The following WWOX variants were observed in gnomAD, a reference collection of about 807,000 sequenced individuals.
The protein encoded by WWOX is WW domain-containing oxidoreductase.
A neutral mutation model predicts 46.2 loss-of-function variants in WWOX; 69 were observed. That is an observed-to-expected ratio of 1.49 (90% CI 1.23 to 1.82). The LOEUF (loss-of-function observed/expected upper bound fraction) is 1.82, where lower values mean the gene tolerates loss of function less well. Ranked by LOEUF, WWOX falls within the 40% of genes most tolerant of loss-of-function variation. The pLI is 0.00. For synonymous variants in WWOX, 359 were observed against 202.6 expected (o/e 1.77, Z -6.56); for missense variants, 919 against 542.6 (o/e 1.69, Z -6.89).
rs188145610 is a variant in WWOX, at chr16:78,604,628, T to C, written c.1056+171876T>C. On this transcript the variant is annotated intron_variant, in intron 8 of 8. Coordinates refer to ENST00000566780, the MANE Select transcript of WWOX (RefSeq NM_016373.4). ...CCTTTTTCTTCAATGTTAAATACCA[T>C]TTCCTTTAATAAAGATTTAAAAAAG... 6.3e-3 allele frequency among the ~76,000 whole-genome samples: 957 copies of C among 151,616 alleles called. 8 individuals are homozygous for C. Among genetic ancestry groups the C allele is most frequent in the African/African-American group, 0.021 (874 of 41,282 alleles).
intron 5 of WWOX, among the ~76,000 whole-genome samples, chr16:78,283,634 C>T (rs1426208264): frequency 4.6e-5 from 7 of 152,088 alleles, no homozygotes; most frequent in African/African-American, 1.7e-4. Flanking sequence ...CTGTGGCTCT[C>T]CTCCTTTAGA....
intron 8 of WWOX, among the ~76,000 whole-genome samples, chr16:79,117,623 C>T (rs142548950): frequency 1.3e-3 from 201 of 152,374 alleles, no homozygotes; most frequent in African/African-American, 4.8e-3. Flanking sequence ...CTTCTTCCAA[C>T]AGAAAGCTGT....
chr16:79,031,845 T>TAA (rs2047762902), intron 8 of WWOX, among the ~76,000 whole-genome samples: 2 of 139,342 alleles, frequency 1.4e-5, no homozygotes, highest in Admixed American at 1.5e-4. Context: ...ATATATCTTA[T>TAA]TATATATTAT....
chr16:78,793,521 C>T (rs2050663107), intron 8 of WWOX, among the ~76,000 whole-genome samples: 2 of 152,130 alleles, frequency 1.3e-5, no homozygotes, highest in South Asian at 2.1e-4. Context: ...TGAAATTTTG[C>T]AGGTCATTAG....
At chr16:79,178,843 T>C (rs983780347) in intron 8 of WWOX, among the ~76,000 whole-genome samples, 5 of 152,238 alleles carry the variant, frequency 3.3e-5, no homozygotes, top group Admixed American at 2.0e-4. Context: ...ACAATTTTTT[T>C]TGTTTAATAT....
intron 8 of WWOX, among the ~76,000 whole-genome samples, chr16:78,570,509 A>G (rs1034353562): frequency 6.6e-6 from 1 of 152,052 alleles, no homozygotes; most frequent in Non-Finnish European, 1.5e-5. Flanking sequence ...GAGATGCAGT[A>G]TCGCTTGTTG....
intron 8 of WWOX, among the ~76,000 whole-genome samples, chr16:78,586,789 T>C (rs989874557): frequency 2.0e-5 from 3 of 152,216 alleles, no homozygotes; most frequent in Non-Finnish European, 4.4e-5. Context: ...TTAAGTAATG[T>C]GCCCAGTATC....
intron 5 of WWOX, among the ~76,000 whole-genome samples, chr16:78,170,212 G>C (rs1458931627): frequency 6.6e-6 from 1 of 152,160 alleles, no homozygotes; most frequent in Non-Finnish European, 1.5e-5. Flanking sequence ...TATAAAACAT[G>C]CTGTATTATA....
At chr16:79,153,702 C>G (rs1211469172) in intron 8 of WWOX, among the ~76,000 whole-genome samples, 2 of 152,078 alleles carry the variant, frequency 1.3e-5, no homozygotes, top group Non-Finnish European at 2.9e-5. Context: ...TCTATTCCTC[C>G]CAGTACCATT....
intron 8 of WWOX, among the ~76,000 whole-genome samples, chr16:78,865,361 C>A (rs568687779): frequency 6.6e-6 from 1 of 151,978 alleles, no homozygotes. Flanking sequence ...AAAAGAAGTA[C>A]GTCAGGTGAA....
intron 8 of WWOX, among the ~76,000 whole-genome samples, chr16:79,175,322 G>C (rs1370250136): frequency 6.6e-6 from 1 of 152,198 alleles, no homozygotes; most frequent in African/African-American, 2.4e-5. Context: ...GGAGCTTAAA[G>C]ACTGACCTTT....
At chr16:79,089,554 A>T (rs1218542033) in intron 8 of WWOX, among the ~76,000 whole-genome samples, 2 of 151,572 alleles carry the variant, frequency 1.3e-5, no homozygotes, top group Non-Finnish European at 2.9e-5. Context: ...GTGGTCTCGA[A>T]CTCCTGACCT....
intron 3 of WWOX, among the ~76,000 whole-genome samples, chr16:78,112,981 C>T (rs2032582933): frequency 6.6e-6 from 1 of 152,136 alleles, no homozygotes; most frequent in African/African-American, 2.4e-5. Flanking sequence ...ATTCATATTA[C>T]AGGCATGAGC....
intron 6 of WWOX, among the ~76,000 whole-genome samples, chr16:78,391,560 G>T (rs112935831): frequency 0.016 from 2,393 of 152,290 alleles, 58 homozygotes; most frequent in African/African-American, 0.054. Context: ...AGTAAGAAAT[G>T]ACTCTGGCCA....
chr16:78,527,256 C>T (rs890526699), intron 8 of WWOX, among the ~76,000 whole-genome samples: 1 of 151,858 alleles, frequency 6.6e-6, no homozygotes, highest in Non-Finnish European at 1.5e-5. Context: ...TAGCAGAAGC[C>T]ACCTTTCCAT....
At chr16:78,833,536 A>C (rs1417882100) in intron 8 of WWOX, among the ~76,000 whole-genome samples, 2 of 151,688 alleles carry the variant, frequency 1.3e-5, no homozygotes, top group Non-Finnish European at 2.9e-5. Flanking sequence ...CAGTGAGGAC[A>C]CTCTTTTATC....
intron 5 of WWOX, among the ~76,000 whole-genome samples, chr16:78,217,599 C>A (rs2036763630): frequency 6.6e-6 from 1 of 152,040 alleles, no homozygotes; most frequent in African/African-American, 2.4e-5. Context: ...TTAATAGAGA[C>A]CGAGAAACTT....
intron 8 of WWOX, among the ~76,000 whole-genome samples, chr16:78,635,975 A>G (rs1423552653): frequency 2.6e-5 from 4 of 152,134 alleles, no homozygotes; most frequent in African/African-American, 9.7e-5. Context: ...GCCTAATTGC[A>G]CGGTTAATAC....
chr16:78,458,872 G>A (rs2083888233), intron 8 of WWOX, among the ~76,000 whole-genome samples: 3 of 151,970 alleles, frequency 2.0e-5, no homozygotes, highest in African/African-American at 7.3e-5. Flanking sequence ...GGGATGATTA[G>A]TATATTCTTA....
Sources: allele counts gnomAD v4.1 joint callset (sites outside exome capture counted in the v4.1 genomes callset), GRCh38; gene constraint gnomAD v4.1.1; transcripts MANE v1.5; gene names NCBI Gene and HGNC (gene_info 2026-07-23, HGNC 2026-07-21).